Variants in PPA2 observed in about 807,000 individuals in gnomAD.
The protein encoded by PPA2 is inorganic pyrophosphatase 2, also known as inorganic pyrophosphatase 2, mitochondrial.
A neutral mutation model predicts 49.5 loss-of-function variants in PPA2; 48 were observed. That is an observed-to-expected ratio of 0.97 (90% CI 0.77 to 1.23). The LOEUF is 1.23. PPA2 is among the 50% of genes most tolerant of loss of function. The pLI, the probability that PPA2 is intolerant of heterozygous loss-of-function variation, is 0.00. For synonymous variants in PPA2, 131 were observed against 139.9 expected (o/e 0.94, Z 0.45); for missense variants, 429 against 410.1 (o/e 1.05, Z -0.40).
At chr4:105,371,119 C>T (rs1733008965) in intron 10 of PPA2, among the ~76,000 whole-genome samples, 1 of 152,126 alleles carries the variant, frequency 6.6e-6, no homozygotes, top group African/African-American at 2.4e-5. Context: ...ATGGAATCCA[C>T]TGAAGGTCTT....
chr4:105,439,412 G>A (rs938192331), intron 5 of PPA2, among the ~76,000 whole-genome samples: 11 of 152,026 alleles, frequency 7.2e-5, no homozygotes, highest in Admixed American at 2.0e-4. Flanking sequence ...CTCTTACTCT[G>A]AGCAATCTCC....
upstream of PPA2, chr4:105,474,065 T>G: frequency 1.3e-6 from 2 of 1,539,470 alleles, no homozygotes; most frequent in Non-Finnish European, 1.8e-6. Context: ...TCAATGACGG[T>G]CCTGCTGTGC....
In PPA2 at chr4:105,467,829, C is replaced by T. The variant is rs570073444; in HGVS notation, c.157+6065G>A. Among the ~76,000 whole-genome samples, 5 of 152,230 alleles carry T rather than the reference C, an allele frequency of 3.3e-5. No homozygotes were observed. In the South Asian group the frequency reaches 6.2e-4, roughly 19 times the overall value. On this transcript the variant is annotated intron_variant, in intron 1 of 11. Coordinates refer to ENST00000341695, the MANE Select transcript of PPA2 (RefSeq NM_176869.3). ...TAGCAACTAAAGAGAGAAACAAGTT[C>T]GGTGAGGGTGGGGAGTCAGGAGTTC...
At chr4:105,468,113 T>A (rs770771224) in intron 1 of PPA2, among the ~76,000 whole-genome samples, 3 of 152,236 alleles carry the variant, frequency 2.0e-5, no homozygotes, top group South Asian at 4.1e-4. Flanking sequence ...TATTGGAACA[T>A]AACCACAGTC....
At chr4:105,459,192 G>A (rs1469549941) in intron 1 of PPA2, among the ~76,000 whole-genome samples, 1 of 152,100 alleles carries the variant, frequency 6.6e-6, no homozygotes, top group Admixed American at 6.5e-5. Flanking sequence ...GGATAAAAAT[G>A]AGAAAGAGCA....
At chr4:105,426,681 G>A (rs1444122070) in intron 6 of PPA2, among the ~76,000 whole-genome samples, 1 of 152,214 alleles carries the variant, frequency 6.6e-6, no homozygotes, top group East Asian at 1.9e-4. Flanking sequence ...TATGCTTACA[G>A]TGTAAACAAA....
chr4:105,433,207 G>A (rs1002729353), intron 6 of PPA2, among the ~76,000 whole-genome samples: 27 of 151,958 alleles, frequency 1.8e-4, no homozygotes, highest in African/African-American at 6.3e-4. Context: ...CAAAGACAAG[G>A]AATCAGATTT....
chr4:105,435,503 A>T (rs1724011294), intron 6 of PPA2, among the ~76,000 whole-genome samples: 1 of 152,150 alleles, frequency 6.6e-6, no homozygotes, highest in African/African-American at 2.4e-5. Flanking sequence ...TTCATAAAAA[A>T]ACTACTACTA....
At chr4:105,424,803 G>A (rs780063444) in intron 6 of PPA2, among the ~76,000 whole-genome samples, 22 of 152,114 alleles carry the variant, frequency 1.4e-4, no homozygotes, top group Non-Finnish European at 3.1e-4. Context: ...GAATTTGTAG[G>A]GCATGGTACT....
intron 7 of PPA2, among the ~76,000 whole-genome samples, chr4:105,414,803 G>A (rs949069150): frequency 6.6e-6 from 1 of 152,138 alleles, no homozygotes; most frequent in African/African-American, 2.4e-5. Context: ...GGGTGTTCCC[G>A]AGTGCTTCTC....
chr4:105,394,136 G>A (rs1734035625), intron 9 of PPA2, among the ~76,000 whole-genome samples: 1 of 152,114 alleles, frequency 6.6e-6, no homozygotes. Flanking sequence ...GGAGGCCAAG[G>A]TGGGCGGATC....
chr4:105,443,914 T>A (rs1157319249), intron 5 of PPA2, among the ~76,000 whole-genome samples: 1 of 152,168 alleles, frequency 6.6e-6, no homozygotes, highest in African/African-American at 2.4e-5. Flanking sequence ...AAATAACACC[T>A]TTTCACTGAG....
intron 7 of PPA2, among the ~76,000 whole-genome samples, chr4:105,403,362 A>T (rs958622549): frequency 6.6e-6 from 1 of 152,024 alleles, no homozygotes; most frequent in Admixed American, 6.6e-5. Flanking sequence ...CCAGATTTTT[A>T]AAAAAGGCTT....
At chr4:105,410,378 G>T (rs138420541) in intron 7 of PPA2, among the ~76,000 whole-genome samples, 2,094 of 152,256 alleles carry the variant, frequency 0.014, 48 homozygotes, top group African/African-American at 0.046. Context: ...AGGGTGAAAA[G>T]AAATGAATAA....
At chr4:105,439,843 C>A (rs1324881597) in intron 5 of PPA2, among the ~76,000 whole-genome samples, 1 of 121,574 alleles carries the variant, frequency 8.2e-6, no homozygotes. Flanking sequence ...CCCCTCCCCC[C>A]ACCCGACAAC....
intron 5 of PPA2, among the ~76,000 whole-genome samples, chr4:105,445,270 C>T (rs746729254): frequency 7.9e-5 from 12 of 152,178 alleles, no homozygotes; most frequent in Non-Finnish European, 1.5e-4. Flanking sequence ...CTACAGGCTG[C>T]ATCCCCTAAG....
At chr4:105,449,310 A>T in intron 4 of PPA2, 40 bp downstream of exon 4, 1 of 1,275,184 alleles carries the variant, frequency 7.8e-7, no homozygotes, top group Non-Finnish European at 1.1e-6. Context: ...TTATATCATT[A>T]TAATCATTTC....
intron 1 of PPA2, among the ~76,000 whole-genome samples, chr4:105,464,490 T>C (rs1347380764): frequency 1.3e-5 from 2 of 152,152 alleles, no homozygotes; most frequent in African/African-American, 2.4e-5. Flanking sequence ...TGGGGGACTG[T>C]TGGGAAGGCA....
intron 7 of PPA2, among the ~76,000 whole-genome samples, chr4:105,408,846 T>G (rs1043144288): frequency 1.3e-5 from 2 of 152,080 alleles, no homozygotes; most frequent in Non-Finnish European, 2.9e-5. Context: ...TATCAACAAC[T>G]GATGTAAAAA....
Sources: gnomAD v4.1 joint callset for allele counts (sites outside exome capture counted in the v4.1 genomes callset) on GRCh38, gnomAD v4.1.1 for gene constraint, MANE v1.5 for transcripts, NCBI Gene and HGNC (gene_info 2026-07-23, HGNC 2026-07-21) for gene names.